RBM47: variants seen among roughly 807,000 people sequenced by gnomAD.
RBM47 encodes RNA binding motif protein 47, also known as RNA-binding protein 47.
Under a neutral mutation model 47.1 loss-of-function variants are expected in RBM47, and 21 were observed. The observed-to-expected ratio is 0.45, with a 90% CI of 0.32 to 0.64. The LOEUF is 0.64. RBM47 is among the 30% of genes least tolerant of loss of function. The probability of loss-of-function intolerance (pLI) is 0.05; values close to 1 mark genes in which losing one functional copy is unlikely to be tolerated. For missense variants in RBM47, 708 were observed against 870.9 expected, an observed-to-expected ratio of 0.81 and a Z score of 2.35; for synonymous variants, 375 against 361.7, an observed-to-expected ratio of 1.04 and a Z score of -0.42.
At chr4:40,605,391 T>G (rs1186679609) in intron 1 of RBM47, among the ~76,000 whole-genome samples, 2 of 152,164 alleles carry the variant, frequency 1.3e-5, no homozygotes, top group Non-Finnish European at 2.9e-5. Flanking sequence ...GAACCCCAGT[T>G]TTGAAGGGCC....
chr4:40,534,269 T>C (rs4073335), intron 2 of RBM47, among the ~76,000 whole-genome samples: 15,206 of 151,880 alleles, frequency 0.1, 811 homozygotes, highest in East Asian at 0.19. Flanking sequence ...CCTAGCCTGG[T>C]AATTTTTTAA....
At chr4:40,429,194 T>A (rs59850406) in intron 6 of RBM47, among the ~76,000 whole-genome samples, 37,296 of 151,984 alleles carry the variant, frequency 0.25, 5,489 homozygotes, top group Non-Finnish European at 0.33. Flanking sequence ...TTATTTTACT[T>A]AATATCAGCC....
chr4:40,487,156 G>A (rs1215986730), intron 2 of RBM47, among the ~76,000 whole-genome samples: 1 of 152,118 alleles, frequency 6.6e-6, no homozygotes. Flanking sequence ...TAGACTCAGT[G>A]GAGCCTTCAT....
intron 1 of RBM47, among the ~76,000 whole-genome samples, chr4:40,579,254 C>G (rs557731826): frequency 6.6e-5 from 10 of 151,630 alleles, no homozygotes; most frequent in African/African-American, 2.4e-4. Flanking sequence ...AACCCCATCT[C>G]TACTAAAAAT....
At chr4:40,590,718 G>A (rs1734059590) in intron 1 of RBM47, among the ~76,000 whole-genome samples, 1 of 152,170 alleles carries the variant, frequency 6.6e-6, no homozygotes, top group South Asian at 2.1e-4. Flanking sequence ...TTAAAGAAAT[G>A]AAGTGCTGGA....
intron 1 of RBM47, among the ~76,000 whole-genome samples, chr4:40,602,733 T>A (rs1365897865): frequency 6.6e-6 from 1 of 152,138 alleles, no homozygotes; most frequent in Non-Finnish European, 1.5e-5. Context: ...AATCTTAGAT[T>A]CATTGTTTAT....
At chr4:40,591,101 C>A (rs1396730037) in intron 1 of RBM47, among the ~76,000 whole-genome samples, 1 of 152,156 alleles carries the variant, frequency 6.6e-6, no homozygotes, top group Non-Finnish European at 1.5e-5. Flanking sequence ...CCACACCCTG[C>A]TGCATGGTTC....
chr4:40,496,327 TAA>T (rs1005601944), intron 2 of RBM47, among the ~76,000 whole-genome samples: 16 of 96,086 alleles, frequency 1.7e-4, no homozygotes, highest in African/African-American at 6.7e-4. Context: ...CTGGAGAACT[TAA>T]ACACACACAC....
At chr4:40,576,316 AT>A (rs201812157) in intron 1 of RBM47, among the ~76,000 whole-genome samples, 1 of 146,098 alleles carries the variant, frequency 6.8e-6, no homozygotes, top group South Asian at 2.1e-4. Context: ...TGCCTGATCA[AT>A]TTTTTAAAAA....
chr4:40,541,377 A>G (rs1434557247), intron 2 of RBM47, among the ~76,000 whole-genome samples: 3 of 152,190 alleles, frequency 2.0e-5, no homozygotes, highest in Non-Finnish European at 4.4e-5. Flanking sequence ...GAACATGTGT[A>G]AATTTCTGCA....
chr4:40,517,281 T>C (rs760960725), intron 2 of RBM47, among the ~76,000 whole-genome samples: 15 of 152,144 alleles, frequency 9.9e-5, no homozygotes, highest in Non-Finnish European at 1.8e-4. Flanking sequence ...ATTATAGTCA[T>C]GCACCACCAC....
At chr4:40,592,493 C>T (rs1734248675) in intron 1 of RBM47, among the ~76,000 whole-genome samples, 1 of 150,320 alleles carries the variant, frequency 6.7e-6, no homozygotes, top group African/African-American at 2.5e-5. Flanking sequence ...GGCATGATCT[C>T]AGCTCACCGC....
intron 3 of RBM47, among the ~76,000 whole-genome samples, chr4:40,464,324 G>C (rs1004747976): frequency 3.3e-5 from 5 of 152,122 alleles, no homozygotes; most frequent in Non-Finnish European, 7.4e-5. Flanking sequence ...TGATAGTAAT[G>C]AACCCTATAT....
chr4:40,529,165 A>G (rs1411161762), intron 2 of RBM47, among the ~76,000 whole-genome samples: 4 of 152,100 alleles, frequency 2.6e-5, no homozygotes, highest in Non-Finnish European at 5.9e-5. Flanking sequence ...TCCTTGACTT[A>G]CAATGGGCTA....
At chr4:40,576,933 C>T (rs1732394537) in intron 1 of RBM47, among the ~76,000 whole-genome samples, 1 of 152,152 alleles carries the variant, frequency 6.6e-6, no homozygotes, top group South Asian at 2.1e-4. Flanking sequence ...CCCAGGGTCA[C>T]AGAGCTGGTG....
At chr4:40,601,063 T>G (rs6840737) in intron 1 of RBM47, among the ~76,000 whole-genome samples, 44,400 of 148,960 alleles carry the variant, frequency 0.3, 7,676 homozygotes, top group Non-Finnish European at 0.37. Context: ...CTCAAGTGCC[T>G]CACGGAAATG....
At chr4:40,450,071 C>T (rs1715176048) in intron 3 of RBM47, among the ~76,000 whole-genome samples, 1 of 152,158 alleles carries the variant, frequency 6.6e-6, no homozygotes, top group African/African-American at 2.4e-5. Context: ...CTCACAAATT[C>T]AGCACACATA....
intron 2 of RBM47, among the ~76,000 whole-genome samples, chr4:40,500,100 A>C (rs1723136425): frequency 1.3e-5 from 2 of 152,218 alleles, no homozygotes; most frequent in South Asian, 4.1e-4. Flanking sequence ...GGATCACCTG[A>C]GGCCAGGAGT....
chr4:40,573,349 A>G (rs1366055837), intron 1 of RBM47, among the ~76,000 whole-genome samples: 1 of 151,790 alleles, frequency 6.6e-6, no homozygotes, highest in Non-Finnish European at 1.5e-5. Context: ...CTCCAGGGCC[A>G]CTGTTAATTT....
Sources: allele counts gnomAD v4.1 joint callset (sites outside exome capture counted in the v4.1 genomes callset), GRCh38; gene constraint gnomAD v4.1.1; transcripts MANE v1.5; gene names NCBI Gene and HGNC (gene_info 2026-07-23, HGNC 2026-07-21).